The following MRTFB variants were observed in gnomAD, a reference collection of about 807,000 sequenced individuals.
MRTFB encodes myocardin related transcription factor B.
A neutral mutation model predicts 104.2 loss-of-function variants in MRTFB; 29 were observed. That is an observed-to-expected ratio of 0.28 (90% CI 0.21 to 0.38). The LOEUF is 0.38. Among genes scored for constraint, MRTFB ranks in the 10% least tolerant of loss-of-function variants. The pLI, the probability that MRTFB is intolerant of heterozygous loss-of-function variation, is 1.00. For missense variants in MRTFB, 1,270 were observed against 1,341.6 expected, an observed-to-expected ratio of 0.95 and a Z score of 0.83; for synonymous variants, 535 against 519.5, an observed-to-expected ratio of 1.03 and a Z score of -0.41.
chr16:14,087,220 T>C (rs560138760), intron 2 of MRTFB, among the ~76,000 whole-genome samples: 17 of 152,036 alleles, frequency 1.1e-4, no homozygotes, highest in East Asian at 1.9e-4. Flanking sequence ...GTCTTAAGAG[T>C]AGAGTTTGGA....
At chr16:14,243,555 T>C (rs1209733937) in intron 10 of MRTFB, among the ~76,000 whole-genome samples, 1 of 152,152 alleles carries the variant, frequency 6.6e-6, no homozygotes, top group Non-Finnish European at 1.5e-5. Context: ...AGTATCACAG[T>C]TGGAAGATGT....
chr16:14,037,113 T>C, the MRTFB span, among the ~76,000 whole-genome samples: 4 of 152,142 alleles, frequency 2.6e-5, no homozygotes, highest in Admixed American at 1.3e-4. Flanking sequence ...GGGCCACCGG[T>C]TTGCTTTGGA....
chr16:14,191,511 G>A (rs1231391602), intron 3 of MRTFB, among the ~76,000 whole-genome samples: 1 of 152,186 alleles, frequency 6.6e-6, no homozygotes, highest in Non-Finnish European at 1.5e-5. Flanking sequence ...GAGCTGCACT[G>A]TCTTTGCTAT....
chr16:14,077,731 G>C (rs1040158838), intron 1 of MRTFB, among the ~76,000 whole-genome samples: 7 of 152,104 alleles, frequency 4.6e-5, no homozygotes, highest in African/African-American at 1.7e-4. Flanking sequence ...GAAAACGTGT[G>C]AAACTCATCG....
chr16:14,188,144 A>C (rs1810128980), intron 3 of MRTFB, among the ~76,000 whole-genome samples: 1 of 152,236 alleles, frequency 6.6e-6, no homozygotes, highest in African/African-American at 2.4e-5. Context: ...AAGTATAAAT[A>C]GCTGTTGCTA....
intron 4 of MRTFB, among the ~76,000 whole-genome samples, chr16:14,210,897 G>A (rs1414161460): frequency 6.6e-6 from 1 of 152,088 alleles, no homozygotes; most frequent in African/African-American, 2.4e-5. Context: ...TGTTCTAGTT[G>A]TTTCTTTACC....
At chr16:14,061,657 G>C in the MRTFB span, among the ~76,000 whole-genome samples, 123 of 144,148 alleles carry the variant, frequency 8.5e-4, no homozygotes, top group Non-Finnish European at 1.4e-3. Flanking sequence ...ACTGCCTCCA[G>C]ACCCTCAGCT....
intron 13 of MRTFB, among the ~76,000 whole-genome samples, chr16:14,250,843 A>C (rs1470027984): frequency 1.3e-5 from 2 of 152,226 alleles, no homozygotes; most frequent in Non-Finnish European, 2.9e-5. Context: ...GTGAACACTG[A>C]GGGAGAAAGC....
At chr16:14,148,288 C>T (rs932912402) in intron 3 of MRTFB, among the ~76,000 whole-genome samples, 1 of 152,084 alleles carries the variant, frequency 6.6e-6, no homozygotes, top group Non-Finnish European at 1.5e-5. Flanking sequence ...AGTGGGGCTC[C>T]GTTTACTTAT....
chr16:14,003,554 A>T, the MRTFB span, among the ~76,000 whole-genome samples: 1 of 152,164 alleles, frequency 6.6e-6, no homozygotes, highest in Non-Finnish European at 1.5e-5. Flanking sequence ...CAGAGCATGC[A>T]CGTAGGTCCT....
At chr16:14,110,408 G>T (rs972473639) in intron 2 of MRTFB, among the ~76,000 whole-genome samples, 4 of 152,330 alleles carry the variant, frequency 2.6e-5, no homozygotes, top group African/African-American at 9.6e-5. Flanking sequence ...AGGCAGTCAG[G>T]GAGGTAGGGT....
the MRTFB span, among the ~76,000 whole-genome samples, chr16:14,012,259 C>T: frequency 2.8e-5 from 4 of 144,114 alleles, no homozygotes; most frequent in Non-Finnish European, 4.5e-5. Flanking sequence ...GACAGAGTCT[C>T]GGGCAGGCAA....
chr16:14,200,208 G>A, intron 3 of MRTFB: 1 of 1,125,988 alleles, frequency 8.9e-7, no homozygotes, highest in Non-Finnish European at 1.2e-6. Context: ...ATTTGTAATA[G>A]CAAAAAACCT....
chr16:14,251,787 C>G, intron 13 of MRTFB, 75 bp from the exon 14 acceptor site: 2 of 1,546,098 alleles, frequency 1.3e-6, no homozygotes, highest in South Asian at 1.2e-5. Context: ...GACCCCTGTC[C>G]TAAAACATGG....
At position 14,236,304 on chromosome 16, in the gene MRTFB, G is replaced by A. The variant is rs992321093; in HGVS notation, c.831+2021G>A. On this transcript the variant is annotated intron_variant, in intron 9 of 16. Transcript: ENST00000571589. ...GGGGGAAAGTGTTTTCTGACATCGAGGTATATACCTTAAGTGCCTGATAAT... is the reference window on the plus strand; with the variant it reads ...GGGGGAAAGTGTTTTCTGACATCGAAGTATATACCTTAAGTGCCTGATAAT... Among the ~76,000 whole-genome samples the A allele has an allele frequency of 5.9e-5, 9 of 152,204 alleles. No homozygotes were observed. The East Asian group carries it at 1.7e-3, about 29-fold the overall frequency.
At chr16:14,014,924 T>G in the MRTFB span, among the ~76,000 whole-genome samples, 3 of 152,294 alleles carry the variant, frequency 2.0e-5, no homozygotes, top group African/African-American at 7.2e-5. Flanking sequence ...TTTTCCTTGC[T>G]ATTCTCATCC....
In MRTFB at chr16:14,076,323, C is replaced by T. The variant is rs913415859; in HGVS notation, c.-128-2967C>T. ...TCTCCTGCCTCAGCCTCCCAAGTAG[C>T]TTGGGACTACAGGTGCATGTGCCAC... On this transcript the variant is annotated intron_variant, in intron 1 of 16. Coordinates refer to ENST00000571589, the MANE Select transcript of MRTFB (RefSeq NM_001308142.2). 1.7e-4 allele frequency among the ~76,000 whole-genome samples: 26 copies of T among 152,036 alleles called. 1 individual carries two copies. The highest frequency in any genetic ancestry group is 3.8e-4 in the Non-Finnish European group (26 of 68,008).
chr16:14,114,479 C>T (rs967363624), intron 2 of MRTFB, among the ~76,000 whole-genome samples: 2 of 152,216 alleles, frequency 1.3e-5, no homozygotes, highest in East Asian at 3.8e-4. Flanking sequence ...CCTTCCAGAA[C>T]ATCAGAAAGA....
chr16:14,035,420 G>T, the MRTFB span, among the ~76,000 whole-genome samples: 1 of 152,108 alleles, frequency 6.6e-6, no homozygotes, highest in African/African-American at 2.4e-5. Context: ...TATTGAATAG[G>T]CAATTTATCC....
Sources: gnomAD v4.1 joint callset for allele counts (sites outside exome capture counted in the v4.1 genomes callset) on GRCh38, gnomAD v4.1.1 for gene constraint, MANE v1.5 for transcripts, NCBI Gene and HGNC (gene_info 2026-07-23, HGNC 2026-07-21) for gene names.